Variants in MORC1 observed in about 807,000 individuals in gnomAD.
MORC1 encodes MORC family CW-type zinc finger protein 1.
A neutral mutation model predicts 134.9 loss-of-function variants in MORC1; 59 were observed. The ratio of observed to expected loss-of-function variants is 0.44; its 90% CI spans 0.35 to 0.54. MORC1 has a LOEUF of 0.54. Among genes scored for constraint, MORC1 ranks in the 20% least tolerant of loss-of-function variants. The pLI, the probability that MORC1 is intolerant of heterozygous loss-of-function variation, is 0.00. For missense variants in MORC1, 947 were observed against 1,134.5 expected, an observed-to-expected ratio of 0.83 and a Z score of 2.37; for synonymous variants, 395 against 391.7, an observed-to-expected ratio of 1.01 and a Z score of -0.10.
rs1398656875 is a variant in MORC1, at chr3:108,958,464, A to C, written c.*501T>G. On this transcript the variant is annotated 3_prime_UTR_variant, in exon 28 of 28. Coordinates refer to ENST00000232603, the MANE Select transcript of MORC1 (RefSeq NM_014429.4). ...ATAAAATTATATAAGCTATGTCTCA[A>C]AGTTTTGGGGGGATTTGTATTTTCT... 6.6e-6 allele frequency: 1 copy of C among 151,960 alleles called. No individual in the cohort carries two copies. Among genetic ancestry groups the C allele is most frequent in the Non-Finnish European group, 1.5e-5 (1 of 67,974 alleles). 9.4% of individuals were successfully genotyped at this position (151,960 alleles called of 1,614,324 possible).
intron 24 of MORC1, among the ~76,000 whole-genome samples, chr3:108,977,662 A>G (rs1031278748): frequency 6.6e-6 from 1 of 152,202 alleles, no homozygotes; most frequent in African/African-American, 2.4e-5. Context: ...ACTGTATACT[A>G]CTATGCTTTA....
At chr3:109,019,459 G>A (rs1363633390) in intron 17 of MORC1, among the ~76,000 whole-genome samples, 1 of 152,176 alleles carries the variant, frequency 6.6e-6, no homozygotes, top group Non-Finnish European at 1.5e-5. Flanking sequence ...AAATAGAAAA[G>A]CAGAGTCGTT....
intron 8 of MORC1, among the ~76,000 whole-genome samples, chr3:109,093,170 T>C (rs1950762818): frequency 6.6e-6 from 1 of 152,196 alleles, no homozygotes; most frequent in Non-Finnish European, 1.5e-5. Flanking sequence ...TGAAAAAGAC[T>C]GATTCCTAGG....
intron 3 of MORC1, among the ~76,000 whole-genome samples, chr3:109,109,415 C>G (rs1440295722): frequency 2.0e-5 from 3 of 152,140 alleles, no homozygotes; most frequent in Non-Finnish European, 4.4e-5. Flanking sequence ...GTGAACTAGC[C>G]TATCTCCATT....
intron 2 of MORC1, 97 bp from the exon 3 acceptor site, chr3:109,110,880 CTTAAA>C: frequency 1.2e-6 from 1 of 843,790 alleles, no homozygotes; most frequent in East Asian, 2.9e-5. Context: ...CAAAAATCCA[CTTAAA>C]TTGCTTCAAA....
intron 8 of MORC1, among the ~76,000 whole-genome samples, chr3:109,086,289 C>T (rs1950615624): frequency 1.3e-5 from 2 of 151,904 alleles, no homozygotes; most frequent in South Asian, 4.2e-4. Context: ...ATGAATATCC[C>T]AATTACCTCT....
In MORC1 at chr3:109,037,068, T is replaced by C. The variant is rs376068840; in HGVS notation, c.1331-1600A>G. Reference sequence around the variant, plus strand: ...AAACCTGGAATTAGGTAGATTCACATTGCATTCTTACAATTCACTGAGGGG... The same window carrying C: ...AAACCTGGAATTAGGTAGATTCACACTGCATTCTTACAATTCACTGAGGGG... On this transcript the variant is annotated intron_variant, in intron 14 of 27. Coordinates refer to ENST00000232603, the MANE Select transcript of MORC1 (RefSeq NM_014429.4). Among the ~76,000 whole-genome samples, 153 of 152,304 alleles carry C rather than the reference T, an allele frequency of 1.0e-3. 3 individuals are homozygous for C. The South Asian group carries it at 0.03, about 30-fold the overall frequency.
intron 17 of MORC1, among the ~76,000 whole-genome samples, chr3:109,016,872 G>A (rs1174786978): frequency 6.6e-6 from 1 of 151,640 alleles, no homozygotes; most frequent in Admixed American, 6.6e-5. Flanking sequence ...CTCAAAAAAA[G>A]AAAAAAGAAA....
chr3:109,024,285 C>T (rs75953750), intron 17 of MORC1, among the ~76,000 whole-genome samples: 2,172 of 152,204 alleles, frequency 0.014, 24 homozygotes, highest in Non-Finnish European at 0.024. Context: ...TTTAAAGTTA[C>T]GTGCTTTGAT....
At chr3:108,992,819 A>G (rs1948103298) in intron 21 of MORC1, among the ~76,000 whole-genome samples, 1 of 151,538 alleles carries the variant, frequency 6.6e-6, no homozygotes, top group Non-Finnish European at 1.5e-5. Context: ...ACATAAGCTC[A>G]CTCTTTAAGC....
chr3:109,002,302 T>C (rs955731759), intron 20 of MORC1, among the ~76,000 whole-genome samples: 12 of 152,202 alleles, frequency 7.9e-5, no homozygotes, highest in African/African-American at 2.6e-4. Flanking sequence ...TTTACTCACA[T>C]AGAGAAGAGA....
chr3:109,097,542 G>A (rs1269294680), intron 6 of MORC1, among the ~76,000 whole-genome samples: 6 of 152,044 alleles, frequency 3.9e-5, no homozygotes, highest in Non-Finnish European at 8.8e-5. Flanking sequence ...TCACCAAGAC[G>A]AGGGCAAGGG....
chr3:109,112,190 C>T (rs1576758564), intron 2 of MORC1, among the ~76,000 whole-genome samples: 1 of 152,272 alleles, frequency 6.6e-6, no homozygotes, highest in South Asian at 2.1e-4. Context: ...TATATTAAGA[C>T]ATTTTATAAT....
At chr3:109,059,751 ATTTGT>A (rs1206865589) in intron 12 of MORC1, 50 bp downstream of exon 12, 11 of 1,500,446 alleles carry the variant, frequency 7.3e-6, no homozygotes, top group South Asian at 1.2e-5. Flanking sequence ...AGAAACCAGA[ATTTGT>A]TTTAACAGAG....
chr3:109,059,824 T>C lies in MORC1; in HGVS notation c.1013A>G (p.Asn338Ser), dbSNP rs745746382. The change falls in exon 12 of 28, where the codon AAT (asparagine) becomes AGT (serine). Residue 338 changes from asparagine (N) to serine (S), a missense_variant. This residue lies in a region of MORC1 where 722 missense variants were observed against 817.0 expected (regional missense o/e 0.88). Coordinates refer to ENST00000232603, the MANE Select transcript of MORC1 (RefSeq NM_014429.4). ...GTCTTACCTTTGTTTCTCTTTAAGA[T>C]TCTTTTGCTTTGCTTCTACATCTTC... is the stretch of plus-strand genomic sequence containing the variant. The part of the protein sequence containing the change: ...ALEDVEAKQK[N>S]LKEKQRELKT... 11 of 1,612,516 alleles carry C rather than the reference T, an allele frequency of 6.8e-6. No homozygotes were observed. The Admixed American group carries it at 1.8e-4, about 27-fold the overall frequency.
At chr3:109,052,753 T>C (rs1044223584) in intron 14 of MORC1, among the ~76,000 whole-genome samples, 2 of 152,198 alleles carry the variant, frequency 1.3e-5, no homozygotes, top group Non-Finnish European at 2.9e-5. Context: ...ACCCAAATCA[T>C]TGAATACATG....
intron 15 of MORC1, among the ~76,000 whole-genome samples, chr3:109,034,823 A>C (rs1331001747): frequency 1.3e-5 from 2 of 152,128 alleles, no homozygotes; most frequent in African/African-American, 4.8e-5. Context: ...ATCACAGCTC[A>C]CCACAGCCTC....
chr3:109,049,127 T>G, intron 14 of MORC1: 1 of 983,814 alleles, frequency 1.0e-6, no homozygotes, highest in Non-Finnish European at 1.2e-6. Flanking sequence ...GCTTCATCAC[T>G]CGACGTGTAT....
chr3:108,967,102 G>C (rs1947241679), intron 26 of MORC1, among the ~76,000 whole-genome samples: 1 of 152,114 alleles, frequency 6.6e-6, no homozygotes, highest in Non-Finnish European at 1.5e-5. Context: ...CATTTCAGTA[G>C]GAACTGCTGG....
Sources: allele counts gnomAD v4.1 joint callset (sites outside exome capture counted in the v4.1 genomes callset), GRCh38; gene constraint gnomAD v4.1.1; regional missense constraint gnomAD v4.1.1; transcripts MANE v1.5; gene names NCBI Gene and HGNC (gene_info 2026-07-23, HGNC 2026-07-21).